The following DPP8 variants were observed in gnomAD, a reference collection of about 807,000 sequenced individuals.
DPP8 encodes the protein DPP VIII.
DPP8 carries 31 observed loss-of-function variants against 107.5 expected under a neutral mutation model. The observed-to-expected ratio is 0.29, with a 90% CI of 0.22 to 0.39. DPP8 has a LOEUF of 0.39. Among genes scored for constraint, DPP8 ranks in the 10% least tolerant of loss-of-function variants. DPP8 has a pLI of 1.00. For missense variants in DPP8, 842 were observed against 1,076.1 expected (o/e 0.78, Z 3.04); for synonymous variants, 381 against 356.6 (o/e 1.07, Z -0.77).
intron 19 of DPP8, among the ~76,000 whole-genome samples, chr15:65,447,687 T>C (rs1211134656): frequency 6.6e-6 from 1 of 152,190 alleles, no homozygotes; most frequent in Non-Finnish European, 1.5e-5. Context: ...CTTCAAAGAA[T>C]GACTGACAAC....
intron 7 of DPP8, among the ~76,000 whole-genome samples, chr15:65,486,287 A>G (rs1251963482): frequency 6.6e-6 from 1 of 151,646 alleles, no homozygotes; most frequent in Non-Finnish European, 1.5e-5. Flanking sequence ...CTGTAATCCC[A>G]GCTACTCGGG....
rs2071377406 is a variant in DPP8 at position 65,515,766 on chromosome 15, A to C, written c.-12+1720T>G. On this transcript the variant is annotated intron_variant, in intron 1 of 19. Coordinates refer to ENST00000300141, the MANE Select transcript of DPP8 (RefSeq NM_130434.5). ...TGCTCATCCTGCTCTTCTCACAGGA[A>C]TCTTTCCTTTCCTCACCATCAAAGC... 7 of 1,419,202 alleles carry C rather than the reference A, an allele frequency of 4.9e-6. No homozygotes were observed. The South Asian group carries it at 8.2e-5, about 17-fold the overall frequency. 87.9% of individuals were successfully genotyped at this position (1,419,202 alleles called of 1,614,324 possible).
At chr15:65,462,498 T>C (rs911920832) in intron 15 of DPP8, among the ~76,000 whole-genome samples, 2 of 152,218 alleles carry the variant, frequency 1.3e-5, no homozygotes, top group Non-Finnish European at 2.9e-5. Flanking sequence ...TGTAATTATA[T>C]TTTAATTTCT....
rs546121388 is a variant in DPP8 at position 65,508,118 on chromosome 15, T to A, written c.260-763A>T. Among the ~76,000 whole-genome samples the A allele has an allele frequency of 5.3e-5, 8 of 152,164 alleles. No homozygotes were observed. In the South Asian group the frequency reaches 1.0e-3, roughly 20 times the overall value. On this transcript the variant is annotated intron_variant, in intron 2 of 19. Coordinates refer to ENST00000300141, the MANE Select transcript of DPP8 (RefSeq NM_130434.5). ...AGCTGGGCGTGGTGGCACGTGCCTG[T>A]AATCCCAGCTATTTGGGTGGCTGAG...
intron 8 of DPP8, among the ~76,000 whole-genome samples, 180 bp from the exon 9 acceptor site, chr15:65,481,795 A>G (rs2066949287): frequency 6.6e-6 from 1 of 152,158 alleles, no homozygotes; most frequent in Non-Finnish European, 1.5e-5. Context: ...ACTGGTACTT[A>G]ATTTCTGTGC....
intron 14 of DPP8, among the ~76,000 whole-genome samples, chr15:65,466,270 C>G (rs1054904412): frequency 3.9e-5 from 6 of 152,178 alleles, no homozygotes; most frequent in Non-Finnish European, 8.8e-5. Flanking sequence ...TCCTGAGTAG[C>G]TGGGACAACA....
chr15:65,462,100 C>G (rs1051725478), intron 15 of DPP8, among the ~76,000 whole-genome samples: 9 of 152,078 alleles, frequency 5.9e-5, no homozygotes, highest in Non-Finnish European at 1.2e-4. Flanking sequence ...TCCCTAGTAG[C>G]TGGGATTACA....
At chr15:65,484,056 C>T (rs1330447951) in intron 8 of DPP8, among the ~76,000 whole-genome samples, 8 of 151,854 alleles carry the variant, frequency 5.3e-5, no homozygotes, top group Admixed American at 3.3e-4. Flanking sequence ...AGGCTGGGCA[C>T]GGTGGCTCAT....
At chr15:65,507,985 C>A (rs2070280679) in intron 2 of DPP8, among the ~76,000 whole-genome samples, 1 of 152,126 alleles carries the variant, frequency 6.6e-6, no homozygotes, top group African/African-American at 2.4e-5. Context: ...TGCTTGTAGT[C>A]CCAGCACTTT....
At position 65,444,530 on chromosome 15, in the gene DPP8, C is replaced by G. The variant is rs1301923674; in HGVS notation, c.*2354G>C. ...TTGCCTCAATTGACTATGATATTTT[C>G]CACACTGATTGTAAAAAGCAAATTC... On this transcript the variant is annotated 3_prime_UTR_variant, in exon 20 of 20. Transcript: ENST00000300141. The G allele has an allele frequency of 6.6e-6, 1 of 152,174 alleles. No homozygotes were observed. Among genetic ancestry groups the G allele is most frequent in the African/African-American group, 2.4e-5 (1 of 41,436 alleles). The allele number at this position is 152,174 out of a possible 1,614,324, so 9.4% of individuals were successfully genotyped here.
chr15:65,514,574 G>A (rs1451688712), intron 1 of DPP8, among the ~76,000 whole-genome samples: 2 of 152,104 alleles, frequency 1.3e-5, no homozygotes, highest in African/African-American at 4.8e-5. Flanking sequence ...AGTGGCGCGA[G>A]ATCTCGGCTC....
At chr15:65,492,978 A>G (rs1309777438) in intron 5 of DPP8, among the ~76,000 whole-genome samples, 1 of 152,174 alleles carries the variant, frequency 6.6e-6, no homozygotes, top group African/African-American at 2.4e-5. Context: ...TACAGTGCAA[A>G]CCAATGATTT....
At chr15:65,506,273 G>A (rs916218565) in intron 3 of DPP8, among the ~76,000 whole-genome samples, 1 of 151,988 alleles carries the variant, frequency 6.6e-6, no homozygotes, top group Non-Finnish European at 1.5e-5. Flanking sequence ...AGGTTGTAGT[G>A]AGCCAAGACT....
chr15:65,496,719 C>T (rs2068636675), intron 5 of DPP8, among the ~76,000 whole-genome samples: 1 of 152,010 alleles, frequency 6.6e-6, no homozygotes, highest in Non-Finnish European at 1.5e-5. Flanking sequence ...GGCGCAATCA[C>T]GTTTCACTTT....
chr15:65,472,271 A>C (rs2065957515), intron 12 of DPP8, among the ~76,000 whole-genome samples: 1 of 152,156 alleles, frequency 6.6e-6, no homozygotes, highest in South Asian at 2.1e-4. Flanking sequence ...CAGAAGAAGT[A>C]AATGCAATTT....
chr15:65,509,722 T>C (rs1351369416), intron 2 of DPP8, among the ~76,000 whole-genome samples: 1 of 152,146 alleles, frequency 6.6e-6, no homozygotes, highest in Non-Finnish European at 1.5e-5. Flanking sequence ...TGATTTCTTA[T>C]AAAAGAAAAG....
rs2063450543 is a variant in DPP8, at chr15:65,445,176, C to T, written c.*1708G>A. 6.6e-6 allele frequency: 1 copy of T among 152,288 alleles called. No homozygotes were observed. The highest frequency in any genetic ancestry group is 1.5e-5 in the Non-Finnish European group (1 of 68,088). The allele number at this position is 152,288 out of a possible 1,614,324, so 9.4% of individuals were successfully genotyped here. A position where few individuals can be genotyped will look rare whatever the true frequency, so the allele number is the denominator to read the frequency against. On this transcript the variant is annotated 3_prime_UTR_variant, in exon 20 of 20. Transcript: ENST00000300141. ...TGCCATTTCTGGGCTTTCCCTACCT[C>T]CCACTTGGTGTCAATGAAGTCCACC...
intron 15 of DPP8, among the ~76,000 whole-genome samples, chr15:65,462,122 C>T (rs912155339): frequency 6.6e-6 from 1 of 152,060 alleles, no homozygotes; most frequent in South Asian, 2.1e-4. Context: ...GTGTCTGCCA[C>T]TGCGCCCGAC....
chr15:65,507,054 T>C (rs936958308), intron 3 of DPP8, among the ~76,000 whole-genome samples, 189 bp downstream of exon 3: 10 of 152,088 alleles, frequency 6.6e-5, no homozygotes, highest in African/African-American at 9.7e-5. Flanking sequence ...GTTTAAAAAA[T>C]TGAATTTTAT....
Sources: gnomAD v4.1 joint callset for allele counts (sites outside exome capture counted in the v4.1 genomes callset) on GRCh38, gnomAD v4.1.1 for gene constraint, MANE v1.5 for transcripts, NCBI Gene and HGNC (gene_info 2026-07-23, HGNC 2026-07-21) for gene names.